Variants in PDE1C observed in about 807,000 individuals in gnomAD.
The protein encoded by PDE1C is phosphodiesterase 1C, also known as dual specificity calcium/calmodulin-dependent 3',5'-cyclic nucleotide phosphodiesterase 1C.
PDE1C carries 62 observed loss-of-function variants against 93.1 expected under a neutral mutation model. The observed-to-expected ratio is 0.67, with a 90% CI of 0.54 to 0.82. The LOEUF is 0.82. Ranked by LOEUF, PDE1C falls within the 40% of genes least tolerant of loss-of-function variation. The probability of loss-of-function intolerance (pLI) is 0.00; values close to 1 mark genes in which losing one functional copy is unlikely to be tolerated. For synonymous variants in PDE1C, 325 were observed against 310.1 expected (o/e 1.05, Z -0.50); for missense variants, 742 against 884.6 (o/e 0.84, Z 2.04).
chr7:31,624,087 G>A, the PDE1C span, among the ~76,000 whole-genome samples: 1 of 150,108 alleles, frequency 6.7e-6, no homozygotes, highest in Non-Finnish European at 1.5e-5. Context: ...CCTCTTCAAG[G>A]AGAACTACAA....
At chr7:32,017,082 A>G (rs1045795445) in intron 2 of PDE1C, among the ~76,000 whole-genome samples, 2 of 152,182 alleles carry the variant, frequency 1.3e-5, no homozygotes, top group African/African-American at 2.4e-5. Flanking sequence ...GGAATGCTAA[A>G]TGGAGATCTT....
chr7:32,035,377 C>T (rs995863969), intron 2 of PDE1C, among the ~76,000 whole-genome samples: 1 of 152,138 alleles, frequency 6.6e-6, no homozygotes, highest in African/African-American at 2.4e-5. Context: ...AGAGAGTGCT[C>T]CTGACCAAAT....
chr7:31,885,836 C>T (rs868183120), intron 2 of PDE1C, among the ~76,000 whole-genome samples: 4 of 152,208 alleles, frequency 2.6e-5, no homozygotes, highest in African/African-American at 9.6e-5. Flanking sequence ...AGTGAGGTCG[C>T]AGAAAGCCCT....
At chr7:32,256,524 G>A (rs28496729) in intron 1 of PDE1C, among the ~76,000 whole-genome samples, 6,318 of 152,218 alleles carry the variant, frequency 0.042, 476 homozygotes, top group African/African-American at 0.14. Context: ...CTGTTTTTCC[G>A]CCAGAAGCAG....
At chr7:32,069,267 TTG>T (rs928680722) in intron 1 of PDE1C, among the ~76,000 whole-genome samples, 4 of 152,226 alleles carry the variant, frequency 2.6e-5, no homozygotes, top group African/African-American at 9.6e-5. Flanking sequence ...TGTCTTTTGT[TTG>T]TGTGTGTGCT....
At chr7:32,204,951 T>C (rs1466630568) in intron 2 of PDE1C, among the ~76,000 whole-genome samples, 2 of 152,264 alleles carry the variant, frequency 1.3e-5, no homozygotes, top group Admixed American at 6.5e-5. Context: ...GTTATCTCCA[T>C]GGCTCACAGA....
At chr7:32,068,727 A>G (rs969371602) in intron 1 of PDE1C, among the ~76,000 whole-genome samples, 5 of 152,180 alleles carry the variant, frequency 3.3e-5, no homozygotes, top group African/African-American at 4.8e-5. Flanking sequence ...CTCTAGCCCA[A>G]ATGTCTCCAT....
intron 2 of PDE1C, among the ~76,000 whole-genome samples, chr7:32,047,003 T>G (rs899692885): frequency 6.6e-6 from 1 of 151,394 alleles, no homozygotes; most frequent in African/African-American, 2.4e-5. Context: ...GTGCCTCTAT[T>G]TCTTAATCCC....
At chr7:32,066,346 T>G (rs1795403564) in intron 1 of PDE1C, among the ~76,000 whole-genome samples, 1 of 152,200 alleles carries the variant, frequency 6.6e-6, no homozygotes, top group Non-Finnish European at 1.5e-5. Flanking sequence ...AGCCATTCTC[T>G]TGCCTTTATA....
chr7:32,147,314 A>AAGAAAGAAAGAAAG (rs1554513873), intron 3 of PDE1C, among the ~76,000 whole-genome samples: 81 of 144,552 alleles, frequency 5.6e-4, no homozygotes, highest in African/African-American at 1.8e-3. Context: ...GAAAGAAAGA[A>AAGAAAGAAAGAAAG]AGAAAGAAAG....
At chr7:32,253,635 T>C (rs1019182475) in intron 1 of PDE1C, among the ~76,000 whole-genome samples, 1 of 152,214 alleles carries the variant, frequency 6.6e-6, no homozygotes, top group Non-Finnish European at 1.5e-5. Flanking sequence ...AAAGCCAAGA[T>C]GATTTCAGTC....
the PDE1C span, among the ~76,000 whole-genome samples, chr7:31,649,908 C>G: frequency 1.3e-5 from 2 of 152,182 alleles, no homozygotes; most frequent in South Asian, 2.1e-4. Flanking sequence ...GAGCTCCACT[C>G]CAATTTGTGC....
chr7:32,306,907 T>A lies in PDE1C; in HGVS notation c.311-97368A>T, dbSNP rs114376728. 4.0e-3 allele frequency among the ~76,000 whole-genome samples: 606 copies of A among 152,278 alleles called. 7 individuals are homozygous for A. The highest frequency in any genetic ancestry group is 0.014 in the African/African-American group (584 of 41,558). ...CTACCTGTGAGCACCTGGGGCTTAA[T>A]CCTCTAAGAAACATCAGGAGCCAGT... is the stretch of plus-strand genomic sequence containing the variant. On this transcript the variant is annotated intron_variant, in intron 1 of 1. Coordinates refer to the PDE1C transcript ENST00000672256.
chr7:31,977,332 G>A (rs1163089054), intron 2 of PDE1C, among the ~76,000 whole-genome samples: 1 of 152,264 alleles, frequency 6.6e-6, no homozygotes, highest in Non-Finnish European at 1.5e-5. Context: ...AGATGCCAGT[G>A]TCATGGCCTT....
chr7:32,349,505 T>G (rs1211208567), intron 1 of PDE1C, among the ~76,000 whole-genome samples: 1 of 152,210 alleles, frequency 6.6e-6, no homozygotes, highest in South Asian at 2.1e-4. Context: ...AAGTTAACTT[T>G]TGCACTCTCT....
At chr7:31,702,953 T>C in the PDE1C span, among the ~76,000 whole-genome samples, 1,001 of 152,292 alleles carry the variant, frequency 6.6e-3, 9 homozygotes, top group African/African-American at 0.023. Context: ...CATCCCAGTA[T>C]ACGAAATTGA....
chr7:32,382,758 A>G (rs1325949602), intron 1 of PDE1C, among the ~76,000 whole-genome samples: 1 of 152,190 alleles, frequency 6.6e-6, no homozygotes, highest in Non-Finnish European at 1.5e-5. Flanking sequence ...AAACCACTTT[A>G]CAAATTTGAA....
intron 2 of PDE1C, among the ~76,000 whole-genome samples, chr7:32,035,876 A>T (rs1368203588): frequency 1.3e-5 from 2 of 152,196 alleles, no homozygotes; most frequent in African/African-American, 4.8e-5. Flanking sequence ...AGGTAATCCC[A>T]TGTTTCAGCT....
At chr7:32,133,003 G>T (rs1457608798) in intron 3 of PDE1C, among the ~76,000 whole-genome samples, 1 of 151,986 alleles carries the variant, frequency 6.6e-6, no homozygotes, top group Non-Finnish European at 1.5e-5. Flanking sequence ...ATAAAATTTA[G>T]GAAAAAAATT....
Sources: allele counts gnomAD v4.1 joint callset (sites outside exome capture counted in the v4.1 genomes callset), GRCh38; gene constraint gnomAD v4.1.1; transcripts MANE v1.5; gene names NCBI Gene and HGNC (gene_info 2026-07-23, HGNC 2026-07-21).